The following IGF1R variants were observed in gnomAD, a reference collection of about 807,000 sequenced individuals.
IGF1R encodes insulin-like growth factor 1 receptor.
Under a neutral mutation model 144.6 loss-of-function variants are expected in IGF1R, and 44 were observed. The observed-to-expected ratio is 0.30, with a 90% CI of 0.24 to 0.39. The LOEUF (loss-of-function observed/expected upper bound fraction) is 0.39, where lower values mean the gene tolerates loss of function less well. Among genes scored for constraint, IGF1R ranks in the 10% least tolerant of loss-of-function variants. The pLI is 1.00. For missense variants in IGF1R, 1,355 were observed against 1,833.7 expected (o/e 0.74, Z 4.77); for synonymous variants, 795 against 722.8 (o/e 1.10, Z -1.60).
intron 18 of IGF1R, among the ~76,000 whole-genome samples, chr15:98,940,372 G>GC (rs1465760738): frequency 1.6e-4 from 24 of 152,228 alleles, no homozygotes; most frequent in African/African-American, 5.1e-4. Context: ...AAATGTTTTA[G>GC]CCCCTTTGGT....
chr15:98,945,403 G>T (rs2016514213), intron 19 of IGF1R, among the ~76,000 whole-genome samples: 1 of 152,184 alleles, frequency 6.6e-6, no homozygotes, highest in Admixed American at 6.5e-5. Flanking sequence ...GCCAGCACGG[G>T]CATTGCAGGG....
chr15:98,898,446 A>G (rs2151655217), intron 4 of IGF1R, among the ~76,000 whole-genome samples: 1 of 152,322 alleles, frequency 6.6e-6, no homozygotes, highest in East Asian at 1.9e-4. Context: ...AAATTTCCTG[A>G]TCTTGACTAA....
chr15:98,696,631 C>G (rs2053603471), intron 1 of IGF1R, among the ~76,000 whole-genome samples: 1 of 152,128 alleles, frequency 6.6e-6, no homozygotes, highest in Non-Finnish European at 1.5e-5. Flanking sequence ...TCTGTTTTTG[C>G]CTTTGGCTGA....
intron 2 of IGF1R, among the ~76,000 whole-genome samples, chr15:98,853,671 T>G (rs181486326): frequency 6.6e-6 from 1 of 152,320 alleles, no homozygotes; most frequent in East Asian, 1.9e-4. Flanking sequence ...CTCCTGCGAT[T>G]CTGAATTGCT....
At chr15:98,755,662 T>G (rs2055130416) in intron 2 of IGF1R, among the ~76,000 whole-genome samples, 1 of 134,848 alleles carries the variant, frequency 7.4e-6, no homozygotes, top group Non-Finnish European at 1.5e-5. Flanking sequence ...GAGGTTGCAG[T>G]GAGCCTACAT....
chr15:98,767,743 C>G (rs1430239335), intron 2 of IGF1R, among the ~76,000 whole-genome samples: 1 of 152,096 alleles, frequency 6.6e-6, no homozygotes, highest in Non-Finnish European at 1.5e-5. Flanking sequence ...TCCACTTGAA[C>G]CCATGTTGTT....
chr15:98,747,934 T>A (rs528119474), intron 2 of IGF1R, among the ~76,000 whole-genome samples: 11 of 152,308 alleles, frequency 7.2e-5, no homozygotes, highest in African/African-American at 2.6e-4. Context: ...ATATATTTCA[T>A]GTGTGTGTTG....
chr15:98,699,665 T>A (rs28447265), intron 1 of IGF1R, among the ~76,000 whole-genome samples: 2,665 of 152,258 alleles, frequency 0.018, 80 homozygotes, highest in African/African-American at 0.06. Flanking sequence ...AAAGTTTCCA[T>A]GTCTTAAGTG....
chr15:98,698,105 C>G (rs1221505382), intron 1 of IGF1R, among the ~76,000 whole-genome samples: 3 of 148,118 alleles, frequency 2.0e-5, no homozygotes, highest in African/African-American at 7.5e-5. Flanking sequence ...GTGGTGCGAT[C>G]TTGGCTCACT....
intron 1 of IGF1R, among the ~76,000 whole-genome samples, chr15:98,649,943 C>A (rs186887362): frequency 2.0e-5 from 3 of 152,200 alleles, no homozygotes; most frequent in Non-Finnish European, 4.4e-5. Context: ...ACAGCCCAGC[C>A]GTGTTTCCCG....
chr15:98,894,304 C>G (rs2014069536), intron 3 of IGF1R, among the ~76,000 whole-genome samples: 1 of 152,208 alleles, frequency 6.6e-6, no homozygotes, highest in Non-Finnish European at 1.5e-5. Context: ...TACAACCCAG[C>G]AGTTGTAACC....
chr15:98,928,502 G>A (rs1274992156), intron 13 of IGF1R, among the ~76,000 whole-genome samples: 1 of 152,210 alleles, frequency 6.6e-6, no homozygotes, highest in Non-Finnish European at 1.5e-5. Flanking sequence ...TCTGCAGAAT[G>A]AGGGTGAAAC....
At chr15:98,843,226 T>C (rs1388157338) in intron 2 of IGF1R, among the ~76,000 whole-genome samples, 3 of 152,198 alleles carry the variant, frequency 2.0e-5, no homozygotes. Context: ...TTTTGGCATC[T>C]TTTTTCCCCA....
intron 2 of IGF1R, among the ~76,000 whole-genome samples, chr15:98,765,321 T>G (rs1037425934): frequency 7.2e-6 from 1 of 138,482 alleles, no homozygotes; most frequent in East Asian, 2.1e-4. Context: ...TTTTTTTTTT[T>G]TTTTTTTTTT....
Position 98,826,695 on chromosome 15 carries a change from A to G in IGF1R, c.641-64630A>G, listed in dbSNP as rs187067967. 3.2e-4 allele frequency among the ~76,000 whole-genome samples: 48 copies of G among 152,320 alleles called. 2 individuals carry two copies. In the Middle Eastern group the frequency reaches 0.01, roughly 32 times the overall value. ...CATTTGTATCTCTTTTAAATTTTCT[A>G]TTGTTTATCAGTGACATATGTAAAT... On this transcript the variant is annotated intron_variant, in intron 2 of 20. Coordinates refer to ENST00000650285, the MANE Select transcript of IGF1R (RefSeq NM_000875.5).
chr15:98,772,927 C>T (rs8030852), intron 2 of IGF1R, among the ~76,000 whole-genome samples: 140,662 of 152,152 alleles, frequency 0.92, 65,992 homozygotes, highest in East Asian at 1. Context: ...AAGGGTACAG[C>T]CATTAATACT....
Position 98,648,805 on chromosome 15 carries a change from C to T in IGF1R, c.-777C>T, listed in dbSNP as rs531630126. On this transcript the variant is annotated 5_prime_UTR_variant, in exon 1 of 21. Coordinates refer to ENST00000650285, the MANE Select transcript of IGF1R (RefSeq NM_000875.5). ...GGCAGCTCCACGGCGCGCCTCGCCTCGGCTGTGACCTTCAGCGAGCCGGAG... is the reference window on the plus strand; with the variant it reads ...GGCAGCTCCACGGCGCGCCTCGCCTTGGCTGTGACCTTCAGCGAGCCGGAG... Among the ~76,000 whole-genome samples, 1 of 145,236 alleles carries T rather than the reference C, an allele frequency of 6.9e-6. No homozygotes were observed. The highest frequency in any genetic ancestry group is 2.1e-4 in the South Asian group (1 of 4,730).
chr15:98,695,189 T>A (rs888815782), intron 1 of IGF1R, among the ~76,000 whole-genome samples: 2 of 152,328 alleles, frequency 1.3e-5, no homozygotes, highest in African/African-American at 4.8e-5. Flanking sequence ...AATAATAGGA[T>A]TTTCCCTAGT....
chr15:98,752,128 A>G lies in IGF1R; in HGVS notation c.640+44021A>G, dbSNP rs570632162. Among the ~76,000 whole-genome samples the G allele has an allele frequency of 7.9e-5, 12 of 152,242 alleles. No individual in the cohort carries two copies. The East Asian group carries it at 2.3e-3, about 29-fold the overall frequency. On this transcript the variant is annotated intron_variant, in intron 2 of 20. Coordinates refer to ENST00000650285, the MANE Select transcript of IGF1R (RefSeq NM_000875.5). ...AAACCTTTCAGACAGTTGCTCAGATACCTGGCAGTTGCTCATTTACCCTTC... is the reference window on the plus strand; with the variant it reads ...AAACCTTTCAGACAGTTGCTCAGATGCCTGGCAGTTGCTCATTTACCCTTC...
Sources: allele counts gnomAD v4.1 joint callset (sites outside exome capture counted in the v4.1 genomes callset), GRCh38; gene constraint gnomAD v4.1.1; transcripts MANE v1.5; gene names NCBI Gene and HGNC (gene_info 2026-07-23, HGNC 2026-07-21).